Variants in AMPH observed in about 807,000 individuals in gnomAD.
AMPH encodes the protein amphiphysin (Stiff-Mann syndrome with breast cancer 128kD autoantigen).
In AMPH, 49 loss-of-function variants were observed where a neutral mutation model predicts 99.1. The observed-to-expected ratio is 0.49, with a 90% CI of 0.39 to 0.63. AMPH has a LOEUF of 0.63. Among genes scored for constraint, AMPH ranks in the 20% least tolerant of loss-of-function variants. AMPH has a pLI of 0.00. For synonymous variants in AMPH, 314 were observed against 317.3 expected (o/e 0.99, Z 0.11); for missense variants, 759 against 863.4 (o/e 0.88, Z 1.52).
chr7:38,412,874 G>A (rs1040397858), intron 17 of AMPH, among the ~76,000 whole-genome samples: 2 of 152,186 alleles, frequency 1.3e-5, no homozygotes, highest in Non-Finnish European at 2.9e-5. Context: ...AAGGTGCCTG[G>A]AAAAGGGGAA....
chr7:38,406,736 CT>C (rs111357303), intron 17 of AMPH, among the ~76,000 whole-genome samples: 112 of 76,924 alleles, frequency 1.5e-3, no homozygotes, highest in Admixed American at 3.7e-3. Flanking sequence ...CTTTCCCTCT[CT>C]CTCTCTCTCT....
At chr7:38,396,969 G>A (rs1243854589) in intron 17 of AMPH, among the ~76,000 whole-genome samples, 3 of 152,204 alleles carry the variant, frequency 2.0e-5, no homozygotes, top group African/African-American at 7.2e-5. Flanking sequence ...GTTGTGTCAT[G>A]ATTACAAGCT....
At chr7:38,588,723 G>A (rs957592479) in intron 1 of AMPH, among the ~76,000 whole-genome samples, 10 of 151,894 alleles carry the variant, frequency 6.6e-5, no homozygotes, top group East Asian at 1.9e-4. Flanking sequence ...AAAGATAATC[G>A]GGGGGAAAAA....
Position 38,466,246 on chromosome 7 carries a change from C to T in AMPH, c.593G>A (p.Arg198Gln). ...QEELPSLWSR[R>Q]VGFYVNTFKN... is the part of the protein sequence containing the mutation. ...GAAAGTATTAACATAAAATCCAACT[C>T]GTCTGCCATGTGGAAACACAAAGAG... Residue 198 changes from arginine (R) to glutamine (Q), a missense_variant and splice_region_variant, in exon 8 of 21, where the codon CGA becomes CAA. By Grantham distance (43) the Arg-to-Gln change is conservative. Around this residue, in one of 2 missense-constraint regions of AMPH, gnomAD observed 205 missense variants for 287.9 expected, o/e 0.71. Coordinates refer to ENST00000356264, the MANE Select transcript of AMPH (RefSeq NM_001635.4). 1.3e-6 allele frequency: 2 copies of T among 1,586,940 alleles called. No homozygotes were observed. The highest frequency in any genetic ancestry group is 1.7e-6 in the Non-Finnish European group (2 of 1,171,840).
intron 5 of AMPH, among the ~76,000 whole-genome samples, chr7:38,481,678 C>T (rs776144129): frequency 7.9e-5 from 12 of 152,098 alleles, no homozygotes; most frequent in Non-Finnish European, 1.8e-4. Context: ...ACATCATCCC[C>T]TCATGAATGG....
At chr7:38,532,242 C>A (rs578053121) in intron 2 of AMPH, among the ~76,000 whole-genome samples, 1 of 152,068 alleles carries the variant, frequency 6.6e-6, no homozygotes, top group Non-Finnish European at 1.5e-5. Context: ...AGGCACTCTC[C>A]TTCCTCACTC....
chr7:38,630,533 T>C (rs1293616396), intron 1 of AMPH, among the ~76,000 whole-genome samples: 4 of 152,172 alleles, frequency 2.6e-5, no homozygotes, highest in Admixed American at 2.0e-4. Flanking sequence ...TAAAATGCAA[T>C]AAAAGGTCCT....
intron 1 of AMPH, among the ~76,000 whole-genome samples, chr7:38,546,363 T>C (rs1407469272): frequency 6.6e-6 from 1 of 152,212 alleles, no homozygotes; most frequent in African/African-American, 2.4e-5. Flanking sequence ...GCTTTGATTT[T>C]CCACTTTACA....
At chr7:38,498,756 C>CT (rs1378182677) in intron 3 of AMPH, among the ~76,000 whole-genome samples, 1 of 152,176 alleles carries the variant, frequency 6.6e-6, no homozygotes, top group Non-Finnish European at 1.5e-5. Flanking sequence ...GACGTTTTCC[C>CT]TTGTCTACAA....
chr7:38,437,639 A>AAAAAAAATAAAAAAGAAAAG (rs765494380), intron 11 of AMPH, among the ~76,000 whole-genome samples: 1 of 96,738 alleles, frequency 1.0e-5, no homozygotes, highest in Non-Finnish European at 1.9e-5. Flanking sequence ...AAAAAAAAAA[A>AAAAAAAATAAAAAAGAAAAG]AAAAGAAAAG....
At chr7:38,625,303 T>C (rs1387009487) in intron 1 of AMPH, among the ~76,000 whole-genome samples, 1 of 152,196 alleles carries the variant, frequency 6.6e-6, no homozygotes. Flanking sequence ...CATTATTTGA[T>C]ATATTGAACC....
At chr7:38,581,403 T>A (rs766586098) in intron 1 of AMPH, among the ~76,000 whole-genome samples, 34 of 152,068 alleles carry the variant, frequency 2.2e-4, no homozygotes, top group Non-Finnish European at 4.1e-4. Flanking sequence ...ACACTGTAAG[T>A]GCAAAAGCCC....
At chr7:38,560,439 T>C (rs1372365100) in intron 1 of AMPH, among the ~76,000 whole-genome samples, 1 of 152,194 alleles carries the variant, frequency 6.6e-6, no homozygotes, top group Non-Finnish European at 1.5e-5. Context: ...GCCCATGGAA[T>C]TGAGAGAAAT....
At chr7:38,502,590 C>G (rs1323522474) in intron 3 of AMPH, among the ~76,000 whole-genome samples, 1 of 152,124 alleles carries the variant, frequency 6.6e-6, no homozygotes, top group Non-Finnish European at 1.5e-5. Context: ...GGATGCTAAG[C>G]AAAAATGTTA....
intron 1 of AMPH, among the ~76,000 whole-genome samples, chr7:38,598,630 C>T (rs930734961): frequency 6.6e-6 from 1 of 152,084 alleles, no homozygotes; most frequent in African/African-American, 2.4e-5. Flanking sequence ...CTTCCTTTCA[C>T]CAAAATTTTC....
chr7:38,608,904 C>G (rs1035956572), intron 1 of AMPH, among the ~76,000 whole-genome samples: 8 of 152,196 alleles, frequency 5.3e-5, no homozygotes, highest in African/African-American at 1.9e-4. Flanking sequence ...GAGTTCTAAG[C>G]AACACAACGG....
intron 1 of AMPH, among the ~76,000 whole-genome samples, chr7:38,550,080 T>C (rs1791127176): frequency 6.6e-6 from 1 of 152,216 alleles, no homozygotes; most frequent in Non-Finnish European, 1.5e-5. Context: ...CTTCCAACTC[T>C]TGTTATAGCA....
chr7:38,542,871 G>A (rs189166914), intron 1 of AMPH, among the ~76,000 whole-genome samples: 33 of 152,132 alleles, frequency 2.2e-4, no homozygotes, highest in Admixed American at 1.4e-3. Flanking sequence ...TGAGGCAGGC[G>A]GATCACAAGG....
At chr7:38,471,557 A>G (rs150280797) in intron 7 of AMPH, among the ~76,000 whole-genome samples, 60 of 152,306 alleles carry the variant, frequency 3.9e-4, no homozygotes, top group African/African-American at 1.4e-3. Flanking sequence ...TAATGGAGGA[A>G]TAGAGAAACA....
Sources: allele counts gnomAD v4.1 joint callset (sites outside exome capture counted in the v4.1 genomes callset), GRCh38; gene constraint gnomAD v4.1.1; regional missense constraint gnomAD v4.1.1; transcripts MANE v1.5; gene names NCBI Gene and HGNC (gene_info 2026-07-23, HGNC 2026-07-21).